OPRM1: variants seen among roughly 807,000 people sequenced by gnomAD.
The protein encoded by OPRM1 is opioid receptor mu 1, also known as mu-type opioid receptor.
A neutral mutation model predicts 31.8 loss-of-function variants in OPRM1; 27 were observed. That is an observed-to-expected ratio of 0.85 (90% CI 0.63 to 1.17). The LOEUF is 1.17. OPRM1 is among the 50% of genes most tolerant of loss of function. OPRM1 has a pLI of 0.00. For synonymous variants in OPRM1, 196 were observed against 189.9 expected, an observed-to-expected ratio of 1.03 and a Z score of -0.26; for missense variants, 536 against 511.1, an observed-to-expected ratio of 1.05 and a Z score of -0.47.
chr6:154,113,680 G>A (rs986871530), intron 3 of OPRM1, among the ~76,000 whole-genome samples: 6 of 152,160 alleles, frequency 3.9e-5, no homozygotes, highest in African/African-American at 1.2e-4. Flanking sequence ...ACCAGGCACA[G>A]TAGAATAATT....
At chr6:154,072,009 G>A (rs1423984756) in intron 1 of OPRM1, among the ~76,000 whole-genome samples, 1 of 152,190 alleles carries the variant, frequency 6.6e-6, no homozygotes, top group Non-Finnish European at 1.5e-5. Context: ...CAACCAGGCT[G>A]CTTCCCAAAA....
chr6:154,164,294 T>G (rs926474574), intron 3 of OPRM1, among the ~76,000 whole-genome samples: 2 of 152,244 alleles, frequency 1.3e-5, no homozygotes, highest in African/African-American at 4.8e-5. Flanking sequence ...GGCATTAAGC[T>G]GACACTTCTC....
intron 3 of OPRM1, among the ~76,000 whole-genome samples, chr6:154,139,132 G>A (rs1798135208): frequency 6.6e-6 from 1 of 152,178 alleles, no homozygotes; most frequent in Admixed American, 6.5e-5. Context: ...TCTGACCTCT[G>A]GCTTGGCCAG....
intron 3 of OPRM1, chr6:154,219,110 T>C (rs1017228053): frequency 3.3e-5 from 5 of 152,098 alleles, no homozygotes; most frequent in African/African-American, 4.8e-5. Context: ...GAAATGTAAA[T>C]AAACACTGGG....
intron 1 of OPRM1, among the ~76,000 whole-genome samples, chr6:154,014,315 C>CT (rs1054357312): frequency 2.0e-5 from 3 of 151,984 alleles, no homozygotes; most frequent in Non-Finnish European, 4.4e-5. Flanking sequence ...TGATTTTACT[C>CT]TAAGAAAGAT....
chr6:154,246,373 A>G (rs1781044455), intron 3 of OPRM1, among the ~76,000 whole-genome samples: 1 of 152,248 alleles, frequency 6.6e-6, no homozygotes, highest in Non-Finnish European at 1.5e-5. Flanking sequence ...CTTCCTCCCC[A>G]GCCAGAGTAG....
upstream of OPRM1, among the ~76,000 whole-genome samples, chr6:154,037,646 T>C (rs571321321): frequency 3.9e-5 from 6 of 152,240 alleles, no homozygotes; most frequent in South Asian, 2.1e-4. Context: ...ATATGAAATA[T>C]AGTGGTAAGG....
chr6:154,161,910 A>T lies in OPRM1; in HGVS notation c.1164+70438A>T, dbSNP rs114542699. Reference sequence around the variant, plus strand: ...TACTCTCCAGTCATCACATTTTCACATCCTTTTTCTGGCAGTCTCCCAAAT... The same window carrying T: ...TACTCTCCAGTCATCACATTTTCACTTCCTTTTTCTGGCAGTCTCCCAAAT... On this transcript the variant is annotated intron_variant, in intron 3 of 3. Transcript: ENST00000337049. Among the ~76,000 whole-genome samples the T allele has an allele frequency of 3.5e-3, 526 of 152,218 alleles. 5 individuals are homozygous for T. Among genetic ancestry groups the T allele is most frequent in the African/African-American group, 0.012 (497 of 41,526 alleles).
intron 1 of OPRM1, among the ~76,000 whole-genome samples, chr6:154,012,674 T>G (rs1777793739): frequency 1.3e-5 from 2 of 152,170 alleles, no homozygotes; most frequent in South Asian, 4.1e-4. Flanking sequence ...ATGACATGTT[T>G]TCTAAAAATG....
At chr6:154,068,647 A>C (rs1250153140) in intron 1 of OPRM1, among the ~76,000 whole-genome samples, 1 of 152,184 alleles carries the variant, frequency 6.6e-6, no homozygotes, top group African/African-American at 2.4e-5. Flanking sequence ...GGTTATTGTG[A>C]ATAGTGCTGC....
intron 3 of OPRM1, among the ~76,000 whole-genome samples, chr6:154,144,575 C>T (rs1334477284): frequency 2.6e-5 from 4 of 151,700 alleles, no homozygotes; most frequent in Non-Finnish European, 5.9e-5. Flanking sequence ...TGTGAAACCC[C>T]GTCTCTACTA....
intron 3 of OPRM1, among the ~76,000 whole-genome samples, chr6:154,152,347 G>GAAAGAAAGGAAA: frequency 9.7e-4 from 63 of 65,146 alleles, no homozygotes; most frequent in African/African-American, 3.4e-3. Context: ...AAGAAAGAAA[G>GAAAGAAAGGAAA]GAAAGAAAGA....
chr6:154,231,008 CAA>C, intron 3 of OPRM1, among the ~76,000 whole-genome samples: 1 of 152,232 alleles, frequency 6.6e-6, no homozygotes, highest in East Asian at 1.9e-4. Flanking sequence ...GCCGAAACTG[CAA>C]AAGTCTCCAT....
chr6:154,172,802 G>T (rs2128558503), intron 3 of OPRM1, among the ~76,000 whole-genome samples: 1 of 152,346 alleles, frequency 6.6e-6, no homozygotes, highest in South Asian at 2.1e-4. Context: ...TCTGAAGAGA[G>T]CAGTGGTTCT....
rs1415361850 is a variant in OPRM1 at position 154,131,178 on chromosome 6, G to T, written c.*12457G>T. On this transcript the variant is annotated 3_prime_UTR_variant, in exon 4 of 4. Coordinates refer to ENST00000330432, the MANE Select transcript of OPRM1 (RefSeq NM_000914.5). ...GTCCTCCATGTTTTAAATTGCATTT[G>T]AAATTCAGGTAACTAATAACCCTTG... 3.3e-5 allele frequency among the ~76,000 whole-genome samples: 5 copies of T among 152,088 alleles called. No homozygotes were observed. Among genetic ancestry groups the T allele is most frequent in the African/African-American group, 1.2e-4 (5 of 41,410 alleles).
At chr6:154,246,782 G>A in exon 4 of OPRM1, 2 of 1,612,076 alleles carry the variant, frequency 1.2e-6, no homozygotes, top group Non-Finnish European at 1.7e-6. Flanking sequence ...ACATGAAGAG[G>A]TAGATAATGT....
At chr6:154,210,136 A>G (rs1411814205) in intron 3 of OPRM1, among the ~76,000 whole-genome samples, 1 of 152,160 alleles carries the variant, frequency 6.6e-6, no homozygotes, top group Non-Finnish European at 1.5e-5. Context: ...GGTTGCTTTT[A>G]TTTCACCAGG....
intron 1 of OPRM1, among the ~76,000 whole-genome samples, chr6:154,066,833 A>C (rs1583326982): frequency 6.6e-6 from 1 of 152,146 alleles, no homozygotes; most frequent in African/African-American, 2.4e-5. Context: ...TACAAAAAAC[A>C]TTTTTGTTGT....
intron 3 of OPRM1, among the ~76,000 whole-genome samples, chr6:154,116,040 T>C (rs1198096195): frequency 1.3e-5 from 2 of 152,148 alleles, no homozygotes; most frequent in African/African-American, 4.8e-5. Context: ...GGGAGTGGTG[T>C]CTTTATCCTA....
Sources: allele counts gnomAD v4.1 joint callset (sites outside exome capture counted in the v4.1 genomes callset), GRCh38; gene constraint gnomAD v4.1.1; transcripts MANE v1.5; gene names NCBI Gene and HGNC (gene_info 2026-07-23, HGNC 2026-07-21).